Variants in SMG6 observed in about 807,000 individuals in gnomAD.
SMG6 encodes the protein telomerase-binding protein EST1A.
A neutral mutation model predicts 142.2 loss-of-function variants in SMG6; 66 were observed. That is an observed-to-expected ratio of 0.46 (90% CI 0.38 to 0.57). SMG6 has a LOEUF of 0.57. SMG6 is among the 20% of genes least tolerant of loss of function. The probability of loss-of-function intolerance (pLI) is 0.00; values close to 1 mark genes in which losing one functional copy is unlikely to be tolerated. For missense variants in SMG6, 1,793 were observed against 1,832.0 expected, an observed-to-expected ratio of 0.98 and a Z score of 0.39; for synonymous variants, 779 against 702.4, an observed-to-expected ratio of 1.11 and a Z score of -1.72.
chr17:2,201,418 G>T (rs2072517200), intron 10 of SMG6, among the ~76,000 whole-genome samples: 2 of 152,164 alleles, frequency 1.3e-5, no homozygotes, highest in African/African-American at 2.4e-5. Context: ...TGAGACCGGG[G>T]CACAGTGACT....
At chr17:2,203,801 A>G (rs2072600993) in intron 10 of SMG6, among the ~76,000 whole-genome samples, 2 of 152,220 alleles carry the variant, frequency 1.3e-5, no homozygotes, top group African/African-American at 4.8e-5. Flanking sequence ...GCTGGCGTGA[A>G]GCTTCAGGAG....
chr17:2,258,039 A>AT (rs2074230169), intron 8 of SMG6, among the ~76,000 whole-genome samples: 1 of 77,324 alleles, frequency 1.3e-5, no homozygotes, highest in Non-Finnish European at 2.8e-5. Flanking sequence ...AAAAAAATAT[A>AT]CACACACACA....
chr17:2,074,724 C>T (rs751168146), intron 15 of SMG6, among the ~76,000 whole-genome samples: 14 of 152,194 alleles, frequency 9.2e-5, no homozygotes, highest in Non-Finnish European at 1.2e-4. Flanking sequence ...CATAGGACTT[C>T]GGGGGACAGT....
Position 2,068,714 on chromosome 17 carries a change from G to C in SMG6, c.3835+64C>G, listed in dbSNP as rs2068015223. 6.5e-7 allele frequency: 1 copy of C among 1,545,124 alleles called. No homozygotes were observed. The highest frequency in any genetic ancestry group is 1.4e-5 in the African/African-American group (1 of 73,858). ...CTGCCTGCCTGGCCCCCAGGCCGTGGGGCGTGTGTGGAGGGGGCTGCTGTG... is the reference window on the plus strand; with the variant it reads ...CTGCCTGCCTGGCCCCCAGGCCGTGCGGCGTGTGTGGAGGGGGCTGCTGTG... On this transcript the variant is annotated intron_variant, in intron 16 of 18. Transcript: ENST00000263073. The surrounding 1 kb of genome is among the most constrained non-coding windows in gnomAD (Gnocchi z 6.7).
intron 13 of SMG6, among the ~76,000 whole-genome samples, chr17:2,110,055 A>G (rs919319225): frequency 4.2e-5 from 6 of 141,768 alleles, no homozygotes; most frequent in Non-Finnish European, 7.7e-5. Context: ...GCATTCCAGT[A>G]TGGGCGACAG....
At chr17:2,119,436 C>A (rs986193419) in intron 13 of SMG6, among the ~76,000 whole-genome samples, 17 of 152,058 alleles carry the variant, frequency 1.1e-4, no homozygotes, top group Non-Finnish European at 2.5e-4. Flanking sequence ...TCAAGTGATC[C>A]GCCTGCCTCA....
chr17:2,291,287 C>G (rs551663204), intron 6 of SMG6, among the ~76,000 whole-genome samples: 1 of 151,210 alleles, frequency 6.6e-6, no homozygotes, highest in South Asian at 2.1e-4. Flanking sequence ...GCCGAGATCG[C>G]GCCACTGCAC....
At chr17:2,073,200 C>T (rs1174270598) in intron 15 of SMG6, among the ~76,000 whole-genome samples, 1 of 152,044 alleles carries the variant, frequency 6.6e-6, no homozygotes, top group Non-Finnish European at 1.5e-5. Context: ...TCTCCTGCCT[C>T]AGCCTCCCAA....
chr17:2,188,211 C>G (rs1379528609), intron 11 of SMG6, among the ~76,000 whole-genome samples, 188 bp downstream of exon 11: 1 of 152,012 alleles, frequency 6.6e-6, no homozygotes, highest in African/African-American at 2.4e-5. Flanking sequence ...AGAAGAGGGC[C>G]TTAGAGGCAA....
chr17:2,128,845 GAA>G (rs1220782300), intron 13 of SMG6, among the ~76,000 whole-genome samples: 51 of 147,952 alleles, frequency 3.4e-4, no homozygotes, highest in East Asian at 5.9e-4. Context: ...GAGAGAGAGA[GAA>G]AGAAAGAAAG....
intron 13 of SMG6, among the ~76,000 whole-genome samples, chr17:2,130,187 G>A (rs1437431121): frequency 6.9e-6 from 1 of 144,530 alleles, no homozygotes; most frequent in Non-Finnish European, 1.5e-5. Flanking sequence ...GTGAACCCGG[G>A]AAGCGGAGCT....
intron 10 of SMG6, among the ~76,000 whole-genome samples, chr17:2,226,753 G>A (rs536002087): frequency 3.3e-5 from 5 of 152,124 alleles, no homozygotes; most frequent in African/African-American, 1.2e-4. Context: ...AAATTAGCCA[G>A]GCGTGGTGGT....
intron 13 of SMG6, among the ~76,000 whole-genome samples, chr17:2,171,191 T>C (rs1050863519): frequency 4.6e-5 from 7 of 152,014 alleles, no homozygotes; most frequent in African/African-American, 1.7e-4. Context: ...GGAGGATCAC[T>C]TGAGCCTGGG....
chr17:2,285,283 CTGAT>C (rs1292112988), intron 6 of SMG6, among the ~76,000 whole-genome samples: 1 of 151,970 alleles, frequency 6.6e-6, no homozygotes, highest in Non-Finnish European at 1.5e-5. Flanking sequence ...GAATGACTGA[CTGAT>C]TGGAATTGGC....
At chr17:2,221,125 C>T (rs2073158418) in intron 10 of SMG6, among the ~76,000 whole-genome samples, 1 of 152,158 alleles carries the variant, frequency 6.6e-6, no homozygotes, top group Non-Finnish European at 1.5e-5. Context: ...CTTTCCAGAG[C>T]CCCAATGATA....
chr17:2,104,096 C>G (rs575356438), intron 13 of SMG6, among the ~76,000 whole-genome samples: 5 of 152,008 alleles, frequency 3.3e-5, no homozygotes, highest in Non-Finnish European at 7.4e-5. Flanking sequence ...GGACTACAGG[C>G]GCCCACCACC....
intron 6 of SMG6, among the ~76,000 whole-genome samples, chr17:2,289,257 G>GC (rs1555573468): frequency 9.4e-5 from 14 of 148,168 alleles, no homozygotes; most frequent in African/African-American, 3.0e-4. Context: ...CTCAAAAAAA[G>GC]AAAAAAAAAA....
chr17:2,291,285 C>T (rs189527727), intron 6 of SMG6, among the ~76,000 whole-genome samples: 317 of 151,384 alleles, frequency 2.1e-3, no homozygotes, highest in Middle Eastern at 3.4e-3. Flanking sequence ...GAGCCGAGAT[C>T]GCGCCACTGC....
intron 4 of SMG6, among the ~76,000 whole-genome samples, chr17:2,295,405 T>C: frequency 6.6e-6 from 1 of 152,206 alleles, no homozygotes; most frequent in East Asian, 1.9e-4. Context: ...TATGTTCTTT[T>C]AGCTGTCTTC....
Sources: gnomAD v4.1 joint callset for allele counts (sites outside exome capture counted in the v4.1 genomes callset) on GRCh38, gnomAD v4.1.1 for gene constraint, Gnocchi (gnomAD v3.1) non-coding constraint, MANE v1.5 for transcripts, NCBI Gene and HGNC (gene_info 2026-07-23, HGNC 2026-07-21) for gene names.